PIK3CG: variants seen among roughly 807,000 people sequenced by gnomAD.
PIK3CG encodes the protein phosphatidylinositol 4,5-bisphosphate 3-kinase catalytic subunit gamma isoform.
A neutral mutation model predicts 102.3 loss-of-function variants in PIK3CG; 55 were observed. That is an observed-to-expected ratio of 0.54 (90% CI 0.43 to 0.67). The LOEUF (loss-of-function observed/expected upper bound fraction) is 0.67, where lower values mean the gene tolerates loss of function less well. Among genes scored for constraint, PIK3CG ranks in the 30% least tolerant of loss-of-function variants. PIK3CG has a pLI of 0.00. For missense variants in PIK3CG, 1,258 were observed against 1,391.8 expected (o/e 0.90, Z 1.53); for synonymous variants, 552 against 540.0 (o/e 1.02, Z -0.31).
chr7:106,873,504 A>G (rs1278714699), intron 4 of PIK3CG, among the ~76,000 whole-genome samples: 3 of 152,196 alleles, frequency 2.0e-5, no homozygotes, highest in Non-Finnish European at 2.9e-5. Context: ...ATTATTCCCT[A>G]AACAGTACAG....
Position 106,879,455 on chromosome 7 carries a change from G to A in PIK3CG, c.2392-64G>A, listed in dbSNP as rs1484092246. The A allele has an allele frequency of 2.3e-6, 3 of 1,286,864 alleles. No individual in the cohort carries two copies. The highest frequency in any genetic ancestry group is 1.2e-5 in the South Asian group (1 of 82,126). 79.7% of individuals were successfully genotyped at this position (1,286,864 alleles called of 1,614,324 possible). The stretch of plus-strand genomic sequence containing the variant: ...ATAGTGATGTTTTGCAAGAGAATTT[G>A]TGTCTCCACCATGTATATTCGTTAT... On this transcript the variant is annotated intron_variant, in intron 5 of 10. Transcript: ENST00000496166. This position sits in a 1 kb window ranked among gnomAD's most constrained non-coding sequence, Gnocchi z 4.9.
Position 106,868,224 on chromosome 7 carries a change from C to G in PIK3CG, c.663C>G (p.Phe221Leu), listed in dbSNP as rs2116434098. 1.2e-6 allele frequency: 2 copies of G among 1,612,734 alleles called. No individual in the cohort carries two copies. The highest frequency in any genetic ancestry group is 8.5e-7 in the Non-Finnish European group (1 of 1,180,034). Residue 221 changes from phenylalanine (F) to leucine (L), a missense_variant, in exon 2 of 11, where the codon TTC (phenylalanine) becomes TTG (leucine). By Grantham distance (22) the Phe-to-Leu change is conservative. This residue lies in a region of PIK3CG where 832 missense variants were observed against 787.5 expected (regional missense o/e 1.06). Transcript: ENST00000496166. The surrounding 1 kb of genome is among the most constrained non-coding windows in gnomAD (Gnocchi z 6.2). ...AGAAGATTGCCAACAACTGCATCTT[C>G]ATCGTCATTCACCGCAGCACCACCA... ...LWKKIANNCI[F>L]IVIHRSTTSQ...
At chr7:106,870,869 T>G (rs1207529589) in intron 2 of PIK3CG, among the ~76,000 whole-genome samples, 4 of 152,186 alleles carry the variant, frequency 2.6e-5, no homozygotes, top group African/African-American at 9.7e-5. Context: ...TTTCACTAGT[T>G]GAGATATTTG....
In PIK3CG at chr7:106,892,436, C is replaced by T. The variant is rs191902785; in HGVS notation, c.3030+6144C>T. On this transcript the variant is annotated intron_variant, in intron 10 of 10. Transcript: ENST00000496166. This position sits in a 1 kb window ranked among gnomAD's most constrained non-coding sequence, Gnocchi z 5.2. Reference sequence around the variant, plus strand: ...GCCAGGCATAAAGAAGGATCAGGTACTGCCTTTGGCAAGGCAAGATATTTT... The same window carrying T: ...GCCAGGCATAAAGAAGGATCAGGTATTGCCTTTGGCAAGGCAAGATATTTT... Among the ~76,000 whole-genome samples, 1 of 152,372 alleles carries T rather than the reference C, an allele frequency of 6.6e-6. No homozygotes were observed. The highest frequency in any genetic ancestry group is 2.4e-5 in the African/African-American group (1 of 41,594).
chr7:106,871,212 G>C (rs1306208570), intron 2 of PIK3CG, among the ~76,000 whole-genome samples: 4 of 152,056 alleles, frequency 2.6e-5, no homozygotes, highest in Non-Finnish European at 5.9e-5. Context: ...TGGTCTCCTA[G>C]TTGAGATCTG....
Position 106,905,191 on chromosome 7 carries a change from G to A in PIK3CG, c.3113G>A (p.Gly1038Glu), listed in dbSNP as rs752242795. Residue 1038 changes from glycine to glutamate, a missense_variant, in exon 11 of 11, where the codon GGA becomes GAA. Transcript: ENST00000496166. The surrounding 1 kb of genome is among the most constrained non-coding windows in gnomAD (Gnocchi z 5.6). Reference sequence around the variant, plus strand: ...CTGTTCTCCATGATGCTGATGACAGGAATGCCCCAGTTAACAAGCAAAGAA... The same window carrying A: ...CTGTTCTCCATGATGCTGATGACAGAAATGCCCCAGTTAACAAGCAAAGAA... ...IILFSMMLMT[G>E]MPQLTSKEDI... 3 of 1,614,074 alleles carry A rather than the reference G, an allele frequency of 1.9e-6. No homozygotes were observed. In the South Asian group the frequency reaches 3.3e-5, roughly 18 times the overall value.
chr7:106,878,072 G>T (rs1790815081), intron 5 of PIK3CG, among the ~76,000 whole-genome samples: 1 of 152,154 alleles, frequency 6.6e-6, no homozygotes, highest in African/African-American at 2.4e-5. Context: ...CTGCAAGTTT[G>T]CTGACAATAA....
intron 9 of PIK3CG, among the ~76,000 whole-genome samples, chr7:106,885,484 G>A (rs1450613151): frequency 1.3e-5 from 2 of 152,084 alleles, no homozygotes; most frequent in African/African-American, 2.4e-5. Context: ...AGTAGAGTCT[G>A]GAAAAGGCAT....
In PIK3CG at chr7:106,869,123, A is replaced by T. The variant is rs2116458367; in HGVS notation, c.1562A>T (p.Asp521Val). The change falls in exon 2 of 11, where the codon GAC becomes GTC. Residue 521 changes from aspartate to valine, a missense_variant. Transcript: ENST00000496166. The surrounding 1 kb of genome is among the most constrained non-coding windows in gnomAD (Gnocchi z 5.3). ...ENSMSISILLDNYCHPIALPK... is the reference protein window; with the variant it reads ...ENSMSISILLVNYCHPIALPK... ...TCAATGTCCATCTCCATTCTTCTGG[A>T]CAATTACTGCCACCCGATAGCCCTG... 6.2e-7 allele frequency: 1 copy of T among 1,614,198 alleles called. No homozygotes were observed. Among genetic ancestry groups the T allele is most frequent in the Non-Finnish European group, 8.5e-7 (1 of 1,180,038 alleles).
Position 106,905,928 on chromosome 7 carries a change from T to C in PIK3CG, c.*541T>C. 1 of 231,366 alleles carries C rather than the reference T, an allele frequency of 4.3e-6. No individual in the cohort carries two copies. The highest frequency in any genetic ancestry group is 8.5e-6 in the Non-Finnish European group (1 of 117,166). The allele number at this position is 231,366 out of a possible 1,614,324, so 14.3% of individuals were successfully genotyped here. ...AGCGAGTTAGTCTTTTCAGTGTCTT[T>C]TGCAATTCAATTCTTTTGTCATGTA... On this transcript the variant is annotated 3_prime_UTR_variant, in exon 11 of 11. Transcript: ENST00000496166. This position sits in a 1 kb window ranked among gnomAD's most constrained non-coding sequence, Gnocchi z 5.6.
intron 9 of PIK3CG, 55 bp from the exon 10 acceptor site, chr7:106,886,080 T>C: frequency 6.7e-7 from 1 of 1,482,550 alleles, no homozygotes; most frequent in African/African-American, 1.4e-5. Flanking sequence ...AGAAATATTT[T>C]AAGGAACAAA....
chr7:106,876,612 A>G (rs1339376378), intron 5 of PIK3CG, among the ~76,000 whole-genome samples: 1 of 149,590 alleles, frequency 6.7e-6, no homozygotes, highest in Non-Finnish European at 1.5e-5. Context: ...CGTGTTAGCC[A>G]GGATGGTCTC....
chr7:106,869,806 G>A lies in PIK3CG; in HGVS notation c.1995+250G>A, dbSNP rs1790469870. On this transcript the variant is annotated intron_variant, in intron 2 of 10. Coordinates refer to ENST00000496166, the MANE Select transcript of PIK3CG (RefSeq NM_001282426.2). The surrounding 1 kb of genome is among the most constrained non-coding windows in gnomAD (Gnocchi z 5.3). Reference sequence around the variant, plus strand: ...CGTTTTTAGGAGAATTGGCCCTGTGGGAATACTTTGTTCTCATTTATTATT... The same window carrying A: ...CGTTTTTAGGAGAATTGGCCCTGTGAGAATACTTTGTTCTCATTTATTATT... 6.6e-6 allele frequency among the ~76,000 whole-genome samples: 1 copy of A among 151,978 alleles called. No individual in the cohort carries two copies. The highest frequency in any genetic ancestry group is 1.5e-5 in the Non-Finnish European group (1 of 67,994).
At chr7:106,901,307 G>A (rs185282871) in intron 10 of PIK3CG, among the ~76,000 whole-genome samples, 26 of 151,094 alleles carry the variant, frequency 1.7e-4, no homozygotes, top group Admixed American at 1.4e-3. Context: ...CAGAGAACCA[G>A]TCTTCAAGTT....
At chr7:106,896,425 C>T (rs1791410252) in intron 10 of PIK3CG, among the ~76,000 whole-genome samples, 2 of 152,152 alleles carry the variant, frequency 1.3e-5, no homozygotes, top group African/African-American at 4.8e-5. Flanking sequence ...AACCAAAAGG[C>T]GTCCCCATCT....
At position 106,895,859 on chromosome 7, in the gene PIK3CG, A is replaced by G. The variant is rs1264203866; in HGVS notation, c.3031-9250A>G. 6.6e-6 allele frequency among the ~76,000 whole-genome samples: 1 copy of G among 152,230 alleles called. No individual in the cohort carries two copies. Among genetic ancestry groups the G allele is most frequent in the Non-Finnish European group, 1.5e-5 (1 of 68,038 alleles). On this transcript the variant is annotated intron_variant, in intron 10 of 10. Transcript: ENST00000496166. This position sits in a 1 kb window ranked among gnomAD's most constrained non-coding sequence, Gnocchi z 5.4. ...TGACTTCTCCAGTGATATATAGTTT[A>G]CCAGTAATAAAGCCAAAATTAGAAT... is the stretch of plus-strand genomic sequence containing the variant.
At chr7:106,876,204 G>A (rs1304728805) in intron 5 of PIK3CG, among the ~76,000 whole-genome samples, 8 of 151,806 alleles carry the variant, frequency 5.3e-5, no homozygotes, top group South Asian at 2.1e-4. Context: ...GTGAGCCACC[G>A]CGCCCGGCCT....
chr7:106,900,207 T>C (rs914135947), intron 10 of PIK3CG, among the ~76,000 whole-genome samples: 4 of 152,112 alleles, frequency 2.6e-5, no homozygotes, highest in African/African-American at 7.2e-5. Flanking sequence ...CCCTTCTTCA[T>C]TTTTAATTGT....
intron 5 of PIK3CG, among the ~76,000 whole-genome samples, chr7:106,878,512 C>T (rs1584329024): frequency 6.6e-6 from 1 of 152,196 alleles, no homozygotes; most frequent in Non-Finnish European, 1.5e-5. Context: ...GTCTGGATTT[C>T]CTTCCTCTGT....
Sources: gnomAD v4.1 joint callset for allele counts (sites outside exome capture counted in the v4.1 genomes callset) on GRCh38, gnomAD v4.1.1 for gene constraint, gnomAD v4.1.1 regional missense constraint, Gnocchi (gnomAD v3.1) non-coding constraint, MANE v1.5 for transcripts, NCBI Gene and HGNC (gene_info 2026-07-23, HGNC 2026-07-21) for gene names.